The following SHISA9 variants were observed in gnomAD, a reference collection of about 807,000 sequenced individuals.
SHISA9 encodes the protein protein shisa-9.
In SHISA9, 13 loss-of-function variants were observed where a neutral mutation model predicts 38.0. The observed-to-expected ratio is 0.34, with a 90% CI of 0.22 to 0.54. The LOEUF is 0.54. Among genes scored for constraint, SHISA9 ranks in the 20% least tolerant of loss-of-function variants. SHISA9 has a pLI of 0.91. For missense variants in SHISA9, 538 were observed against 575.8 expected, an observed-to-expected ratio of 0.93 and a Z score of 0.67; for synonymous variants, 275 against 242.0, an observed-to-expected ratio of 1.14 and a Z score of -1.27.
chr16:13,155,637 G>C (rs1430948607), intron 2 of SHISA9, among the ~76,000 whole-genome samples: 1 of 152,104 alleles, frequency 6.6e-6, no homozygotes, highest in Non-Finnish European at 1.5e-5. Flanking sequence ...CACATATGGT[G>C]GGGGTAGGGC....
chr16:13,226,743 T>C (rs1043696683), intron 4 of SHISA9, among the ~76,000 whole-genome samples: 6 of 152,182 alleles, frequency 3.9e-5, no homozygotes, highest in Admixed American at 1.3e-4. Context: ...TGGTCTAAGA[T>C]GGCCTCACTG....
chr16:13,497,257 A>T, the SHISA9 span, among the ~76,000 whole-genome samples: 2 of 152,204 alleles, frequency 1.3e-5, no homozygotes, highest in African/African-American at 2.4e-5. Context: ...AAATAATTGT[A>T]TATATTTATG....
rs76864447 is a variant in SHISA9 at position 12,910,758 on chromosome 16, A to G, written c.564-5930A>G. ...GAGACAGGGTTCTCTAGAGAAACAGAACAAATATACAAAGAGATTCATTAT... is the reference window on the plus strand; with the variant it reads ...GAGACAGGGTTCTCTAGAGAAACAGGACAAATATACAAAGAGATTCATTAT... On this transcript the variant is annotated intron_variant, in intron 1 of 4. Coordinates refer to ENST00000558583, the MANE Select transcript of SHISA9 (RefSeq NM_001145204.3). The G allele has an allele frequency of 4.0e-3, 3,903 of 975,866 alleles. 112 individuals are homozygous for G. In the African/African-American group the frequency reaches 0.063, roughly 16 times the overall value. The allele number at this position is 975,866 out of a possible 1,614,324, so 60.5% of individuals were successfully genotyped here.
the SHISA9 span, among the ~76,000 whole-genome samples, chr16:13,526,077 A>G: frequency 1.3e-5 from 2 of 152,222 alleles, no homozygotes; most frequent in Admixed American, 6.5e-5. Context: ...AGCTCTTCCT[A>G]ATACACTTTG....
At chr16:13,120,198 T>C (rs961731843) in intron 2 of SHISA9, among the ~76,000 whole-genome samples, 1 of 152,228 alleles carries the variant, frequency 6.6e-6, no homozygotes, top group East Asian at 1.9e-4. Flanking sequence ...ATATTTCTTA[T>C]CTTTGGCCAA....
intron 2 of SHISA9, among the ~76,000 whole-genome samples, chr16:13,061,035 C>A (rs931376761): frequency 6.6e-6 from 1 of 152,148 alleles, no homozygotes; most frequent in Non-Finnish European, 1.5e-5. Context: ...ACCTTGTGGT[C>A]CCAATGCTCC....
At chr16:13,197,083 C>A (rs1470340027) in intron 2 of SHISA9, among the ~76,000 whole-genome samples, 1 of 125,502 alleles carries the variant, frequency 8.0e-6, no homozygotes, top group Non-Finnish European at 1.7e-5. Flanking sequence ...CAGAGTGAAA[C>A]TGTATCTCTC....
At chr16:13,327,068 C>T in the SHISA9 span, among the ~76,000 whole-genome samples, 3 of 152,168 alleles carry the variant, frequency 2.0e-5, no homozygotes, top group Non-Finnish European at 4.4e-5. Flanking sequence ...CAGTTCTTGG[C>T]ATTGTGTTTA....
the SHISA9 span, among the ~76,000 whole-genome samples, chr16:13,398,703 A>G: frequency 2.6e-5 from 4 of 151,774 alleles, no homozygotes; most frequent in African/African-American, 9.7e-5. Context: ...GTAGAGACAG[A>G]GTTTCACCAC....
At chr16:12,953,066 AAAG>A (rs374485985) in intron 2 of SHISA9, among the ~76,000 whole-genome samples, 16 of 152,300 alleles carry the variant, frequency 1.1e-4, no homozygotes, top group African/African-American at 3.8e-4. Flanking sequence ...GTGAAAAAAT[AAAG>A]AAGGACAAAG....
At chr16:13,127,582 A>C (rs899683902) in intron 2 of SHISA9, among the ~76,000 whole-genome samples, 1 of 152,110 alleles carries the variant, frequency 6.6e-6, no homozygotes, top group Non-Finnish European at 1.5e-5. Context: ...AGAGAAGGGG[A>C]GGGAGAGCAG....
chr16:13,465,101 A>G, the SHISA9 span, among the ~76,000 whole-genome samples: 1 of 152,146 alleles, frequency 6.6e-6, no homozygotes, highest in African/African-American at 2.4e-5. Context: ...AGAAATAATG[A>G]TCTATTCTGG....
chr16:13,327,644 T>C, the SHISA9 span, among the ~76,000 whole-genome samples: 418 of 152,114 alleles, frequency 2.7e-3, 3 homozygotes, highest in Non-Finnish European at 2.2e-3. Flanking sequence ...CTCTTGCCTT[T>C]CTTTGAGCCT....
chr16:13,505,976 T>A, the SHISA9 span, among the ~76,000 whole-genome samples: 1 of 152,212 alleles, frequency 6.6e-6, no homozygotes, highest in Non-Finnish European at 1.5e-5. Context: ...TGTAACTATA[T>A]CTGTACCTAA....
At chr16:13,490,560 G>A in the SHISA9 span, among the ~76,000 whole-genome samples, 3 of 152,194 alleles carry the variant, frequency 2.0e-5, no homozygotes, top group Non-Finnish European at 4.4e-5. Context: ...GCAAGAGCCT[G>A]TCTCAAACAT....
chr16:13,503,683 TGA>T, the SHISA9 span, among the ~76,000 whole-genome samples: 1 of 69,068 alleles, frequency 1.4e-5, no homozygotes, highest in Non-Finnish European at 2.9e-5. Context: ...ATGGAAGGAG[TGA>T]CCAAAAAAAA....
intron 2 of SHISA9, among the ~76,000 whole-genome samples, chr16:12,967,129 A>C (rs528165777): frequency 6.6e-6 from 1 of 152,336 alleles, no homozygotes; most frequent in South Asian, 2.1e-4. Context: ...TTGCCGCACT[A>C]TTCACAATAG....
At chr16:13,049,176 G>GCTTTGGTTAGGAGTGTC (rs2073221706) in intron 2 of SHISA9, among the ~76,000 whole-genome samples, 11 of 151,198 alleles carry the variant, frequency 7.3e-5, no homozygotes, top group Admixed American at 7.3e-4. Flanking sequence ...GTGTGTGTGT[G>GCTTTGGTTAGGAGTGTC]TGTGTGTGTG....
At chr16:13,062,963 A>G (rs2073393001) in intron 2 of SHISA9, among the ~76,000 whole-genome samples, 2 of 142,050 alleles carry the variant, frequency 1.4e-5, no homozygotes, top group South Asian at 4.6e-4. Context: ...GTGCTTTCGG[A>G]CGCATCCCTC....
Sources: allele counts gnomAD v4.1 joint callset (sites outside exome capture counted in the v4.1 genomes callset), GRCh38; gene constraint gnomAD v4.1.1; transcripts MANE v1.5; gene names NCBI Gene and HGNC (gene_info 2026-07-23, HGNC 2026-07-21).